Variants in SLF2 observed in about 807,000 individuals in gnomAD.
SLF2 encodes SMC5-SMC6 complex localization factor protein 2.
Under a neutral mutation model 124.3 loss-of-function variants are expected in SLF2, and 68 were observed. That is an observed-to-expected ratio of 0.55 (90% CI 0.45 to 0.67). SLF2 has a LOEUF of 0.67. Ranked by LOEUF, SLF2 falls within the 30% of genes least tolerant of loss-of-function variation. The pLI is 0.00. For synonymous variants in SLF2, 480 were observed against 478.8 expected, an observed-to-expected ratio of 1.00 and a Z score of -0.03; for missense variants, 1,246 against 1,373.7, an observed-to-expected ratio of 0.91 and a Z score of 1.47.
At chr10:100,947,641 T>G (rs765032431) in intron 14 of SLF2, 119 bp from the exon 15 acceptor site, 1 of 643,702 alleles carries the variant, frequency 1.6e-6, no homozygotes, top group African/African-American at 1.8e-5. Flanking sequence ...TGTACAGACT[T>G]CTCTTGAAAC....
At chr10:100,914,105 A>G (rs1239444916) in intron 1 of SLF2, among the ~76,000 whole-genome samples, 1 of 152,240 alleles carries the variant, frequency 6.6e-6, no homozygotes, top group African/African-American at 2.4e-5. Context: ...TCTTTATCCC[A>G]TTAAGTGTGA....
At position 100,929,957 on chromosome 10, in the gene SLF2, G is replaced by A. The variant is rs756998659; in HGVS notation, c.2293G>A (p.Gly765Ser). Residue 765 changes from glycine to serine, a missense_variant, in exon 8 of 20, where the codon GGT (glycine) becomes AGT (serine). Physicochemically the swap from Gly to Ser is moderately conservative, Grantham distance 56 (BLOSUM62 0). Transcript: ENST00000238961. Reference protein sequence around the residue: ...NQYTLDLRDSGFIGQSAVEKL... With the variant: ...NQYTLDLRDSSFIGQSAVEKL... ...GTATACCTTGGATTTAAGAGACTCT[G>A]GTTTTATTGGACAAAGTGCTGTAGA... The A allele has an allele frequency of 1.9e-6, 3 of 1,554,790 alleles. No homozygotes were observed. The East Asian group carries it at 6.9e-5, about 36-fold the overall frequency.
chr10:100,916,472 T>C, intron 2 of SLF2, 98 bp from the exon 3 acceptor site: 1 of 1,028,560 alleles, frequency 9.7e-7, no homozygotes, highest in Non-Finnish European at 1.2e-6. Context: ...GTGGTAACAT[T>C]AGTATAGTTT....
intron 11 of SLF2, among the ~76,000 whole-genome samples, chr10:100,941,693 C>T (rs1219768148): frequency 6.6e-6 from 1 of 152,114 alleles, no homozygotes; most frequent in Admixed American, 6.5e-5. Flanking sequence ...GCCTGCTGTC[C>T]CTCCACACCA....
In SLF2 at chr10:100,929,459, G is replaced by T. The variant is rs764389697; in HGVS notation, c.2165+20G>T. On this transcript the variant is annotated intron_variant, in intron 7 of 19. Coordinates refer to ENST00000238961, the MANE Select transcript of SLF2 (RefSeq NM_018121.4). ...GCACAAGTATAGCATTTTTCATAAT[G>T]TATTTTACCTTATTAAAGTTTTTAC... 12 of 1,555,170 alleles carry T rather than the reference G, an allele frequency of 7.7e-6. No individual in the cohort carries two copies. In the South Asian group the frequency reaches 1.4e-4, roughly 18 times the overall value.
At chr10:100,932,735 GCGCA>G (rs1394986529) in intron 9 of SLF2, among the ~76,000 whole-genome samples, 4 of 151,042 alleles carry the variant, frequency 2.6e-5, no homozygotes, top group Non-Finnish European at 3.0e-5. Flanking sequence ...GCGCGCGCGC[GCGCA>G]CATTTGTAAA....
At chr10:100,923,578 T>G (rs1325474386) in intron 4 of SLF2, among the ~76,000 whole-genome samples, 1 of 152,116 alleles carries the variant, frequency 6.6e-6, no homozygotes, top group African/African-American at 2.4e-5. Context: ...TATACGTGTT[T>G]TAAGGTACTA....
Position 100,916,148 on chromosome 10 carries a change from C to A in SLF2, c.184+106C>A. 3.8e-6 allele frequency: 3 copies of A among 786,808 alleles called. No homozygotes were observed. The South Asian group carries it at 7.4e-5, about 19-fold the overall frequency. The allele number at this position is 786,808 out of a possible 1,614,324, so 48.7% of individuals were successfully genotyped here. ...AAACTGTTTTAGTAAACGTAGTGTT[C>A]AAAATTGAAAATAAAATGAAGATGC... is the stretch of plus-strand genomic sequence containing the variant. On this transcript the variant is annotated intron_variant, in intron 2 of 19. Transcript: ENST00000238961.
intron 1 of SLF2, 128 bp from the exon 2 acceptor site, chr10:100,915,871 T>C: frequency 1.4e-6 from 1 of 702,080 alleles, no homozygotes; most frequent in Non-Finnish European, 2.4e-6. Flanking sequence ...ATTGTTACCA[T>C]TGTCAGAACT....
In SLF2 at chr10:100,924,489, TC is replaced by T; in HGVS notation, c.1490del (p.Pro497GlnfsTer97). On this transcript the variant is annotated frameshift_variant, in exon 5 of 20. Coordinates refer to ENST00000238961, the MANE Select transcript of SLF2 (RefSeq NM_018121.4). LOFTEE classifies it high-confidence loss of function. ...VPLNAKNCAL[P>X]VSKKDKERSS... is the part of the protein sequence containing the mutation. The stretch of plus-strand genomic sequence containing the variant: ...CATTAAATGCTAAAAATTGTGCTCT[TC>T]CAGTTTCTAAAAAAGATAAAGAGCG... 1 of 1,614,138 alleles carries T rather than the reference TC, an allele frequency of 6.2e-7. No homozygotes were observed.
In SLF2 at chr10:100,918,377, C is replaced by T. The variant is rs74154239; in HGVS notation, c.916-7C>T. ...ACTTAATTAATTTTATCTCATTGTG[C>T]TCATAGGAAAATGGACATCTCTCAA... On this transcript the variant is annotated splice_polypyrimidine_tract_variant and splice_region_variant and intron_variant, in intron 3 of 19. Coordinates refer to ENST00000238961, the MANE Select transcript of SLF2 (RefSeq NM_018121.4). 2,180 of 1,577,902 alleles carry T rather than the reference C, an allele frequency of 1.4e-3. 27 individuals are homozygous for T. The African/African-American group carries it at 0.026, about 19-fold the overall frequency.
intron 4 of SLF2, among the ~76,000 whole-genome samples, chr10:100,920,335 A>G (rs1430556187): frequency 3.9e-5 from 6 of 152,128 alleles, no homozygotes; most frequent in Non-Finnish European, 5.9e-5. Flanking sequence ...CATTTCCTGG[A>G]TTTGCAAATT....
In SLF2 at chr10:100,918,346, C is replaced by T. The variant is rs199829728; in HGVS notation, c.916-38C>T. 89 of 1,368,066 alleles carry T rather than the reference C, an allele frequency of 6.5e-5. 1 individual carries two copies. In the African/African-American group the frequency reaches 1.1e-3, roughly 16 times the overall value. 84.7% of individuals were successfully genotyped at this position (1,368,066 alleles called of 1,614,324 possible). The stretch of plus-strand genomic sequence containing the variant: ...GAATGCCTTCACATTCTTTACTGTC[C>T]CCAACACTTAATTAATTTTATCTCA... On this transcript the variant is annotated intron_variant, in intron 3 of 19. Transcript: ENST00000238961.
chr10:100,925,315 AAAAT>A (rs1208040775), intron 5 of SLF2, among the ~76,000 whole-genome samples: 1 of 152,220 alleles, frequency 6.6e-6, no homozygotes, highest in African/African-American at 2.4e-5. Flanking sequence ...GAAGAAGAGA[AAAAT>A]AAGTATTTTC....
At chr10:100,937,366 C>T in intron 9 of SLF2, 36 bp from the exon 10 acceptor site, 1 of 1,512,004 alleles carries the variant, frequency 6.6e-7, no homozygotes, top group East Asian at 2.3e-5. Context: ...TGTTTTCTTT[C>T]TTCTTAATAT....
intron 12 of SLF2, 48 bp downstream of exon 12, chr10:100,944,176 A>G: frequency 7.9e-7 from 1 of 1,258,992 alleles, no homozygotes; most frequent in Non-Finnish European, 1.1e-6. Context: ...AGAACCATTT[A>G]GTCTGTGGTT....
At chr10:100,960,819 C>T (rs777609671) in intron 19 of SLF2, among the ~76,000 whole-genome samples, 5 of 151,374 alleles carry the variant, frequency 3.3e-5, no homozygotes, top group Non-Finnish European at 5.9e-5. Flanking sequence ...CTAAGAGGGA[C>T]ATTTTTTTTA....
intron 19 of SLF2, among the ~76,000 whole-genome samples, chr10:100,961,094 C>G (rs937987026): frequency 7.2e-6 from 1 of 139,572 alleles, no homozygotes; most frequent in African/African-American, 2.7e-5. Flanking sequence ...ACTGCAAGCT[C>G]TGCCTCCTGG....
intron 10 of SLF2, 152 bp from the exon 11 acceptor site, chr10:100,938,443 C>T (rs1222716208): frequency 1.8e-6 from 1 of 569,944 alleles, no homozygotes; most frequent in Non-Finnish European, 2.8e-6. Flanking sequence ...TTCCTATGAT[C>T]ATCCTATAAC....
Sources: allele counts gnomAD v4.1 joint callset (sites outside exome capture counted in the v4.1 genomes callset), GRCh38; gene constraint gnomAD v4.1.1; transcripts MANE v1.5; gene names NCBI Gene and HGNC (gene_info 2026-07-23, HGNC 2026-07-21).